RELL1: variants seen among roughly 807,000 people sequenced by gnomAD.
RELL1 encodes the protein RELT like 1, also known as RELT-like protein 1.
Under a neutral mutation model 23.0 loss-of-function variants are expected in RELL1, and 10 were observed. The observed-to-expected ratio is 0.43, with a 90% CI of 0.27 to 0.74. RELL1 has a LOEUF of 0.74. Among genes scored for constraint, RELL1 ranks in the 30% least tolerant of loss-of-function variants. The pLI, the probability that RELL1 is intolerant of heterozygous loss-of-function variation, is 0.19. For missense variants in RELL1, 315 were observed against 364.4 expected (o/e 0.86, Z 1.10); for synonymous variants, 146 against 146.8 (o/e 0.99, Z 0.04).
At chr4:37,591,062 C>T in exon 7 of RELL1, 2 of 1,370,634 alleles carry the variant, frequency 1.5e-6, no homozygotes, top group African/African-American at 1.4e-5. Context: ...TGCATTTGCT[C>T]CCTGGATGCA....
chr4:37,655,854 G>A (rs1174888245), intron 1 of RELL1, among the ~76,000 whole-genome samples: 1 of 152,244 alleles, frequency 6.6e-6, no homozygotes, highest in Non-Finnish European at 1.5e-5. Context: ...GAAGAGGTAA[G>A]TGGTCAGCTG....
intron 6 of RELL1, among the ~76,000 whole-genome samples, chr4:37,618,909 C>T (rs570548456): frequency 2.7e-5 from 4 of 150,792 alleles, no homozygotes; most frequent in South Asian, 4.3e-4. Context: ...GACGGAGTTT[C>T]GCTCTCGTTG....
At chr4:37,677,215 A>C (rs1290508715) in intron 1 of RELL1, among the ~76,000 whole-genome samples, 1 of 152,240 alleles carries the variant, frequency 6.6e-6, no homozygotes, top group Non-Finnish European at 1.5e-5. Context: ...GGGCATATGT[A>C]GATCAAGGAA....
rs1577562016 is a variant in RELL1 at position 37,611,099 on chromosome 4, C to G, written c.*2247G>C. Among the ~76,000 whole-genome samples the G allele has an allele frequency of 6.7e-6, 1 of 149,118 alleles. No individual in the cohort carries two copies. Among genetic ancestry groups the G allele is most frequent in the East Asian group, 2.1e-4 (1 of 4,794 alleles). ...GAGTATTCTCTTGCCTGTTGTATTG[C>G]TATTTAAAAAAAAGTGCTCTGACTT... On this transcript the variant is annotated 3_prime_UTR_variant, in exon 7 of 7. Coordinates refer to ENST00000454158, the MANE Select transcript of RELL1 (RefSeq NM_001085400.2).
At chr4:37,616,666 C>T (rs1179911183) in intron 6 of RELL1, among the ~76,000 whole-genome samples, 1 of 148,214 alleles carries the variant, frequency 6.7e-6, no homozygotes, top group Non-Finnish European at 1.5e-5. Context: ...ATTCTCTTGA[C>T]CACTTTTAAA....
rs962154070 is a variant in RELL1 at position 37,610,759 on chromosome 4, C to G, written c.*2587G>C. On this transcript the variant is annotated 3_prime_UTR_variant, in exon 7 of 7. Coordinates refer to ENST00000454158, the MANE Select transcript of RELL1 (RefSeq NM_001085400.2). The surrounding 1 kb of genome is among the most constrained non-coding windows in gnomAD (Gnocchi z 4.1). ...AAATTTTCCTTACAAATTTTTACAT[C>G]AAGGTAGTAGCCAACTCATTGATGA... Among the ~76,000 whole-genome samples the G allele has an allele frequency of 6.6e-6, 1 of 152,100 alleles. No homozygotes were observed. The highest frequency in any genetic ancestry group is 1.5e-5 in the Non-Finnish European group (1 of 68,018).
chr4:37,641,815 T>C (rs1720540065), intron 3 of RELL1, among the ~76,000 whole-genome samples: 1 of 152,194 alleles, frequency 6.6e-6, no homozygotes, highest in African/African-American at 2.4e-5. Flanking sequence ...AACATTGCCA[T>C]CACCAAAATG....
chr4:37,610,181 C>G (rs1421007382), downstream of RELL1, among the ~76,000 whole-genome samples: 1 of 152,110 alleles, frequency 6.6e-6, no homozygotes, highest in Non-Finnish European at 1.5e-5. This position sits in a 1 kb window ranked among gnomAD's most constrained non-coding sequence, Gnocchi z 4.1. Context: ...AACATTGAGG[C>G]AAGATCCTGC....
rs937456042 is a variant in RELL1, at chr4:37,612,656, C to T, written c.*690G>A. Among the ~76,000 whole-genome samples, 1 of 141,634 alleles carries T rather than the reference C, an allele frequency of 7.1e-6. No homozygotes were observed. The highest frequency in any genetic ancestry group is 1.5e-5 in the Non-Finnish European group (1 of 65,616). 92.9% of individuals were successfully genotyped at this position (141,634 alleles called of 152,430 possible). A position where few individuals can be genotyped will look rare whatever the true frequency, so the allele number is the denominator to read the frequency against. On this transcript the variant is annotated 3_prime_UTR_variant, in exon 7 of 7. Coordinates refer to ENST00000454158, the MANE Select transcript of RELL1 (RefSeq NM_001085400.2). ...TGCCTCAAAAAAAAAAAAAAAAAAA[C>T]CTTCTCAAAATGTGTAAGTGCTGTA... is the stretch of plus-strand genomic sequence containing the variant.
rs36064800 is a variant in RELL1, at chr4:37,612,176, CAAAAAA to C, written c.*1164_*1169del. 6.0e-4 allele frequency among the ~76,000 whole-genome samples: 32 copies of C among 53,770 alleles called. 1 individual carries two copies. In the South Asian group the frequency reaches 8.8e-3, roughly 15 times the overall value. 35.3% of individuals were successfully genotyped at this position (53,770 alleles called of 152,430 possible). On this transcript the variant is annotated 3_prime_UTR_variant, in exon 7 of 7. Coordinates refer to ENST00000454158, the MANE Select transcript of RELL1 (RefSeq NM_001085400.2). ...TGGGCGACAGAGCGAGACTCCGCCT[CAAAAAA>C]AAAAAAAAAAAAAAAAAAAGAGAGA...
At chr4:37,607,255 T>C (rs1288919445), downstream of RELL1, among the ~76,000 whole-genome samples, 4 of 152,204 alleles carry the variant, frequency 2.6e-5, no homozygotes, top group Non-Finnish European at 4.4e-5. Context: ...CCAAAGAACG[T>C]TGTGGTTTAA....
chr4:37,647,483 C>T (rs1352532570), intron 2 of RELL1, 44 bp from the exon 3 acceptor site: 2 of 1,356,176 alleles, frequency 1.5e-6, no homozygotes, highest in Admixed American at 3.4e-5. Context: ...CAATTGGTCA[C>T]CAGCATCAAG....
rs1224699555 is a variant in RELL1 at position 37,611,742 on chromosome 4, A to G, written c.*1604T>C. 6.6e-6 allele frequency among the ~76,000 whole-genome samples: 1 copy of G among 151,960 alleles called. No individual in the cohort carries two copies. Among genetic ancestry groups the G allele is most frequent in the Non-Finnish European group, 1.5e-5 (1 of 67,986 alleles). ...AAATGTACAGTTATAAAAAAAAAAA[A>G]GAAAAAGAAAAGTTTGCCAGGCCTA... On this transcript the variant is annotated 3_prime_UTR_variant, in exon 7 of 7. Transcript: ENST00000454158.
downstream of RELL1, among the ~76,000 whole-genome samples, chr4:37,607,896 C>T (rs1719272197): frequency 6.6e-6 from 1 of 152,138 alleles, no homozygotes; most frequent in Non-Finnish European, 1.5e-5. Context: ...CCATCAGCAC[C>T]ACTTTTCCAA....
chr4:37,626,443 A>G (rs1048005906), intron 6 of RELL1, among the ~76,000 whole-genome samples: 1 of 152,198 alleles, frequency 6.6e-6, no homozygotes, highest in Admixed American at 6.5e-5. Context: ...GTCCCACTGC[A>G]TTGCAACCTG....
intron 5 of RELL1, 26 bp from the exon 6 acceptor site, chr4:37,631,549 TG>T (rs1560337045): frequency 6.2e-7 from 1 of 1,609,114 alleles, no homozygotes; most frequent in Admixed American, 1.7e-5. Context: ...GGAGAGGTGA[TG>T]GGGTTTGCTT....
chr4:37,664,661 C>A (rs540157743), intron 1 of RELL1, among the ~76,000 whole-genome samples: 2 of 152,152 alleles, frequency 1.3e-5, no homozygotes, highest in South Asian at 4.1e-4. Context: ...ACACACAGTA[C>A]AAGATATAAA....
chr4:37,634,719 CTGT>C (rs1464299814), intron 5 of RELL1, among the ~76,000 whole-genome samples, 165 bp downstream of exon 5: 2 of 152,178 alleles, frequency 1.3e-5, no homozygotes, highest in East Asian at 3.9e-4. Context: ...TAGGATTCTT[CTGT>C]TGTTGGAAAA....
chr4:37,611,508 A>ATAT lies in RELL1; in HGVS notation c.*1835_*1837dup, dbSNP rs1483062366. Among the ~76,000 whole-genome samples, 1 of 152,208 alleles carries ATAT rather than the reference A, an allele frequency of 6.6e-6. No individual in the cohort carries two copies. Among genetic ancestry groups the ATAT allele is most frequent in the African/African-American group, 2.4e-5 (1 of 41,450 alleles). Reference sequence around the variant, plus strand: ...CTATGTACAGTAAATACTTTGAAGTATATTTTTATGGAAATCATCTTTTGG... The same window carrying ATAT: ...CTATGTACAGTAAATACTTTGAAGTATATTATTTTTATGGAAATCATCTTTTGG... On this transcript the variant is annotated 3_prime_UTR_variant, in exon 7 of 7. Transcript: ENST00000454158.
Sources: gnomAD v4.1 joint callset for allele counts (sites outside exome capture counted in the v4.1 genomes callset) on GRCh38, gnomAD v4.1.1 for gene constraint, Gnocchi (gnomAD v3.1) non-coding constraint, MANE v1.5 for transcripts, NCBI Gene and HGNC (gene_info 2026-07-23, HGNC 2026-07-21) for gene names.